The following MICOS13 variants were observed in gnomAD, a reference collection of about 807,000 sequenced individuals.
MICOS13 encodes MICOS complex subunit MIC13.
In MICOS13, 15 loss-of-function variants were observed where a neutral mutation model predicts 16.1. The ratio of observed to expected loss-of-function variants is 0.93; its 90% confidence interval spans 0.62 to 1.44. The LOEUF is 1.44. Among genes scored for constraint, MICOS13 ranks in the 40% most tolerant of loss-of-function variants. The pLI is 0.00. For synonymous variants in MICOS13, 61 were observed against 62.6 expected (o/e 0.97, Z 0.12); for missense variants, 164 against 155.0 (o/e 1.06, Z -0.31).
chr19:5,679,216 T>C (rs754106540), intron 3 of MICOS13, 129 bp downstream of exon 3: 15 of 1,051,602 alleles, frequency 1.4e-5, no homozygotes, highest in Admixed American at 2.7e-5. Flanking sequence ...TCGGCCTCCT[T>C]TCCCTTTTAG....
intron 1 of MICOS13, 154 bp downstream of exon 1, chr19:5,680,304 A>G: frequency 6.2e-7 from 1 of 1,610,382 alleles, no homozygotes; most frequent in Non-Finnish European, 8.5e-7. Context: ...GCCCCTCTGA[A>G]GCCTCAGTTT....
chr19:5,678,699 G>A, intron 3 of MICOS13, 51 bp from the exon 4 acceptor site: 1 of 1,063,286 alleles, frequency 9.4e-7, no homozygotes. Flanking sequence ...GCCTCACCCA[G>A]CCTCCAACCC....
At chr19:5,680,282 T>A (rs1377147747) in intron 1 of MICOS13, 176 bp downstream of exon 1, 1 of 1,602,198 alleles carries the variant, frequency 6.2e-7, no homozygotes, top group African/African-American at 1.3e-5. Flanking sequence ...ATTGGCGACC[T>A]CGGGAAGCCC....
chr19:5,679,464 G>T, intron 2 of MICOS13, 68 bp from the exon 3 acceptor site: 1 of 1,594,024 alleles, frequency 6.3e-7, no homozygotes, highest in South Asian at 1.1e-5. Flanking sequence ...GAGGCGGAGG[G>T]AGGAGGACAG....
chr19:5,680,418 T>G, intron 1 of MICOS13, 40 bp downstream of exon 1: 1 of 1,613,042 alleles, frequency 6.2e-7, no homozygotes, highest in South Asian at 1.1e-5. Flanking sequence ...AAAAATGGAC[T>G]TTTTCGGGGA....
rs1291120762 is a variant in MICOS13 at position 5,678,527 on chromosome 19, G to A, written c.*24C>T. On this transcript the variant is annotated 3_prime_UTR_variant, in exon 4 of 4. Transcript: ENST00000309324. ...GTGGCAGCCCTGCCCGTTCTGGCCG[G>A]GGCAGGCGGCCCCTGCTGACTCGCT... 4 of 1,542,210 alleles carry A rather than the reference G, an allele frequency of 2.6e-6. No homozygotes were observed. Among genetic ancestry groups the A allele is most frequent in the Non-Finnish European group, 3.5e-6 (4 of 1,141,388 alleles).
Position 5,679,361 on chromosome 19 carries a change from A to G in MICOS13, c.243T>C (p.Arg81=), listed in dbSNP as rs769363970. 4 of 1,613,694 alleles carry G rather than the reference A, an allele frequency of 2.5e-6. No individual in the cohort carries two copies. The highest frequency in any genetic ancestry group is 3.4e-6 in the Non-Finnish European group (4 of 1,179,870). The change falls in exon 3 of 4, where the codon CGT becomes CGC. Residue 81 remains arginine (R), a synonymous_variant. Transcript: ENST00000309324. ...PAPPKIYFPI[R]DSWNAGIMTV... Reference sequence around the variant, plus strand: ...GTGCCTTACCTGCATTCCAGGAGTCACGGATGGGAAAGTAAATCTTTGGAG... The same window carrying G: ...GTGCCTTACCTGCATTCCAGGAGTCGCGGATGGGAAAGTAAATCTTTGGAG...
At chr19:5,680,351 T>C (rs943431391) in intron 1 of MICOS13, 107 bp downstream of exon 1, 1 of 1,604,688 alleles carries the variant, frequency 6.2e-7, no homozygotes. Context: ...GAAGGGGAAG[T>C]GACTCTAAGG....
intron 1 of MICOS13, 35 bp downstream of exon 1, chr19:5,680,423 C>A: frequency 6.2e-7 from 1 of 1,613,022 alleles, no homozygotes; most frequent in Non-Finnish European, 8.5e-7. Context: ...TGGACTTTTT[C>A]GGGGACTCGG....
Position 5,679,551 on chromosome 19 carries a change from C to T in MICOS13, c.207+35G>A, listed in dbSNP as rs772567273. ...GAGGGACCTCCCAGAGCTGACCACC[C>T]GCCAAACCCTGGCCTCGTTCCCGGC... On this transcript the variant is annotated intron_variant, in intron 2 of 3. Transcript: ENST00000309324. 26 of 1,602,264 alleles carry T rather than the reference C, an allele frequency of 1.6e-5. 1 individual carries two copies. In the South Asian group the frequency reaches 2.3e-4, roughly 14 times the overall value.
chr19:5,680,228 G>A lies in MICOS13; in HGVS notation c.29+230C>T, dbSNP rs142432068. The A allele has an allele frequency of 2.0e-3, 3,085 of 1,547,846 alleles. 9 individuals carry two copies. The highest frequency in any genetic ancestry group is 7.5e-3 in the Middle Eastern group (45 of 5,998). ...AGGCTCGGAGGCGGAGGCTGACACC[G>A]CGAACTGAACGCCAAGGGCTCGCTG... On this transcript the variant is annotated intron_variant, in intron 1 of 3. Transcript: ENST00000309324.
At chr19:5,680,209 G>A in intron 1 of MICOS13, 1 of 1,540,238 alleles carries the variant, frequency 6.5e-7, no homozygotes, top group Non-Finnish European at 8.7e-7. Flanking sequence ...ACTGAGGCTC[G>A]GAGGCGGAGG....
chr19:5,679,402 A>T lies in MICOS13; in HGVS notation c.208-6T>A, dbSNP rs779986138. 73 of 1,612,166 alleles carry T rather than the reference A, an allele frequency of 4.5e-5. No individual in the cohort carries two copies. Among genetic ancestry groups the T allele is most frequent in the Non-Finnish European group, 6.0e-5 (71 of 1,179,402 alleles). On this transcript the variant is annotated splice_region_variant and splice_polypyrimidine_tract_variant and intron_variant, in intron 2 of 3. Coordinates refer to ENST00000309324, the MANE Select transcript of MICOS13 (RefSeq NM_205767.3). ...ATCTTTGGAGGGGCTGGGAGCTGGGAAAAAGAGATGGGCAGAAAGAACTGG... is the reference window on the plus strand; with the variant it reads ...ATCTTTGGAGGGGCTGGGAGCTGGGTAAAAGAGATGGGCAGAAAGAACTGG...
At position 5,678,545 on chromosome 19, in the gene MICOS13, G is replaced by A; in HGVS notation, c.*6C>T. 6.5e-7 allele frequency: 1 copy of A among 1,548,386 alleles called. No individual in the cohort carries two copies. Among genetic ancestry groups the A allele is most frequent in the Non-Finnish European group, 8.7e-7 (1 of 1,146,514 alleles). ...CTGGCCGGGGCAGGCGGCCCCTGCT[G>A]ACTCGCTACTTGGTGCGCGCCTTCA... On this transcript the variant is annotated 3_prime_UTR_variant, in exon 4 of 4. Coordinates refer to ENST00000309324, the MANE Select transcript of MICOS13 (RefSeq NM_205767.3).
At chr19:5,678,752 G>T in intron 3 of MICOS13, 104 bp from the exon 4 acceptor site, 1 of 605,078 alleles carries the variant, frequency 1.7e-6, no homozygotes, top group South Asian at 2.0e-5. Context: ...GGGGGTGGGT[G>T]GGGGGCGGGG....
intron 3 of MICOS13, chr19:5,679,074 G>A: frequency 2.2e-6 from 1 of 446,300 alleles, no homozygotes; most frequent in Non-Finnish European, 4.1e-6. Flanking sequence ...ACCACGCACG[G>A]TTAATTTTTG....
At chr19:5,679,789 A>G in intron 1 of MICOS13, 26 bp from the exon 2 acceptor site, 2 of 1,565,478 alleles carry the variant, frequency 1.3e-6, no homozygotes, top group Non-Finnish European at 1.7e-6. Context: ...GGAGGAGCAG[A>G]AGCTCAGCGG....
chr19:5,678,833 C>T, intron 3 of MICOS13, 185 bp from the exon 4 acceptor site: 1 of 544,736 alleles, frequency 1.8e-6, no homozygotes, highest in East Asian at 3.4e-5. Context: ...CCTTCGCCTC[C>T]TGGGTTCAAG....
chr19:5,679,591 G>T lies in MICOS13; in HGVS notation c.202C>A (p.Pro68Thr), dbSNP rs752497449. 6 of 1,609,970 alleles carry T rather than the reference G, an allele frequency of 3.7e-6. No individual in the cohort carries two copies. The highest frequency in any genetic ancestry group is 5.1e-6 in the Non-Finnish European group (6 of 1,178,732). ...TCGTTCCCGGCCCGTAGTACCTGGG[G>T]TATCTGCAGGCCTGTCTGCTGACAC... ...YVCQQTGLQI[P>T]QLPAPPKIYF... Residue 68 changes from proline to threonine, a missense_variant, in exon 2 of 4, where the codon CCC becomes ACC. Transcript: ENST00000309324.
Sources: allele counts gnomAD v4.1 joint callset, GRCh38; gene constraint gnomAD v4.1.1; transcripts MANE v1.5; gene names NCBI Gene and HGNC (gene_info 2026-07-23, HGNC 2026-07-21).